MX1: variants seen among roughly 807,000 people sequenced by gnomAD.
MX1 encodes the protein interferon-induced GTP-binding protein Mx1.
MX1 carries 66 observed loss-of-function variants against 66.4 expected under a neutral mutation model. That is an observed-to-expected ratio of 0.99 (90% CI 0.82 to 1.22). MX1 has a LOEUF of 1.22. Among genes scored for constraint, MX1 ranks in the 50% most tolerant of loss-of-function variants. MX1 has a pLI of 0.00. For missense variants in MX1, 787 were observed against 834.3 expected (o/e 0.94, Z 0.70); for synonymous variants, 311 against 318.1 (o/e 0.98, Z 0.24).
intron 10 of MX1, 99 bp downstream of exon 10, chr21:41,442,013 G>GTGTGTT: frequency 9.3e-7 from 1 of 1,079,936 alleles, no homozygotes; most frequent in African/African-American, 1.5e-5. Flanking sequence ...TGGAGTGTGT[G>GTGTGTT]TGTGTGTGTG....
At chr21:41,425,782 G>A (rs112112173), upstream of MX1, among the ~76,000 whole-genome samples, 11 of 152,252 alleles carry the variant, frequency 7.2e-5, no homozygotes, top group African/African-American at 2.4e-4. Flanking sequence ...AGTGCTGGAC[G>A]GAGTTCGGGA....
intron 7 of MX1, among the ~76,000 whole-genome samples, chr21:41,438,176 T>C (rs1427015843): frequency 1.3e-5 from 2 of 152,260 alleles, no homozygotes; most frequent in Non-Finnish European, 2.9e-5. Context: ...TTTGTAAAGA[T>C]GGAGCATTAA....
chr21:41,436,492 G>C lies in MX1; in HGVS notation c.298+463G>C, dbSNP rs181809579. On this transcript the variant is annotated intron_variant, in intron 6 of 16. Coordinates refer to ENST00000398598, the MANE Select transcript of MX1 (RefSeq NM_002462.5). The stretch of plus-strand genomic sequence containing the variant: ...GAGGAGAATCTGAATAAACACATTT[G>C]GGTCCCCCAGTTCAGAACTATATCA... Among the ~76,000 whole-genome samples the C allele has an allele frequency of 2.0e-5, 3 of 152,234 alleles. No homozygotes were observed. In the East Asian group the frequency reaches 5.8e-4, roughly 29 times the overall value.
intron 16 of MX1, among the ~76,000 whole-genome samples, chr21:41,456,134 C>T (rs1475862556): frequency 6.6e-6 from 1 of 152,198 alleles, no homozygotes; most frequent in East Asian, 1.9e-4. Context: ...GTCCCAGCTA[C>T]TTGGGAAGCT....
At chr21:41,451,656 A>G (rs1033616367) in intron 15 of MX1, among the ~76,000 whole-genome samples, 6 of 151,384 alleles carry the variant, frequency 4.0e-5, no homozygotes, top group Non-Finnish European at 8.8e-5. Flanking sequence ...CCACATGGCA[A>G]AACCCCATCT....
intron 10 of MX1, among the ~76,000 whole-genome samples, chr21:41,442,291 A>G (rs148214): frequency 0.49 from 75,141 of 152,040 alleles, 19,596 homozygotes; most frequent in Non-Finnish European, 0.59. Flanking sequence ...GACACATGAT[A>G]AATGCAGCAT....
intron 16 of MX1, among the ~76,000 whole-genome samples, chr21:41,453,886 A>G (rs377549215): frequency 2.9e-4 from 28 of 95,480 alleles, no homozygotes; most frequent in South Asian, 2.8e-3. Flanking sequence ...CTTGACATCA[A>G]TAGAAAGAAA....
intron 1 of MX1, among the ~76,000 whole-genome samples, chr21:41,421,127 G>A (rs143720309): frequency 0.013 from 1,984 of 152,284 alleles, 50 homozygotes; most frequent in African/African-American, 0.045. Flanking sequence ...AGACAAACAC[G>A]TGAACAAAGG....
upstream of MX1, among the ~76,000 whole-genome samples, chr21:41,423,836 A>C (rs2146019616): frequency 6.6e-6 from 1 of 152,302 alleles, no homozygotes; most frequent in Admixed American, 6.5e-5. Context: ...GGACAAGGGA[A>C]GTGCCTAGGG....
chr21:41,445,519 T>C lies in MX1; in HGVS notation c.1080T>C (p.Tyr360=). ...GAATAACAGAGGAGCTACAAAAGTA[T>C]GGTGTCGACATACCGGAAGACGAAA... ...HQRITEELQK[Y]GVDIPEDENE... is the part of the protein sequence containing the mutation. Residue 360 remains tyrosine, a synonymous_variant, in exon 12 of 17, where the codon TAT becomes TAC. Transcript: ENST00000398598. 1 of 1,614,156 alleles carries C rather than the reference T, an allele frequency of 6.2e-7. No homozygotes were observed. Among genetic ancestry groups the C allele is most frequent in the Non-Finnish European group, 8.5e-7 (1 of 1,180,016 alleles).
chr21:41,423,588 T>C (rs150444386), upstream of MX1, among the ~76,000 whole-genome samples: 2 of 152,212 alleles, frequency 1.3e-5, no homozygotes, highest in Non-Finnish European at 2.9e-5. Flanking sequence ...AAGGTGGATG[T>C]GGTCACCTTC....
intron 11 of MX1, among the ~76,000 whole-genome samples, chr21:41,444,997 G>A (rs900273488): frequency 1.3e-5 from 2 of 152,166 alleles, no homozygotes; most frequent in South Asian, 2.1e-4. Flanking sequence ...CAACCGTATT[G>A]TTAAAAACAT....
intron 16 of MX1, among the ~76,000 whole-genome samples, chr21:41,458,130 A>G (rs1284342875): frequency 6.6e-6 from 1 of 152,040 alleles, no homozygotes; most frequent in Non-Finnish European, 1.5e-5. Flanking sequence ...TCAGCCTCCC[A>G]TGGTGTGCCG....
intron 7 of MX1, among the ~76,000 whole-genome samples, chr21:41,439,048 G>A (rs991766652): frequency 1.3e-5 from 2 of 152,036 alleles, no homozygotes; most frequent in African/African-American, 4.8e-5. Context: ...CCACATGGCA[G>A]GTACATGGAT....
At position 41,437,128 on chromosome 21, in the gene MX1, G is replaced by A; in HGVS notation, c.412G>A (p.Glu138Lys). The stretch of plus-strand genomic sequence containing the variant: ...CGAGATTGAGATTTCGGATGCTTCA[G>A]AGGTAGAAAAGGAAATTAATAAAGG... The part of the protein sequence containing the change: ...DYEIEISDAS[E>K]VEKEINKAQN... Residue 138 changes from glutamate to lysine, a missense_variant, in exon 7 of 17, where the codon GAG (glutamate) becomes AAG (lysine). By Grantham distance (56) the Glu-to-Lys change is moderately conservative. Transcript: ENST00000398598. 1.2e-6 allele frequency: 2 copies of A among 1,614,004 alleles called. No individual in the cohort carries two copies. Among genetic ancestry groups the A allele is most frequent in the Non-Finnish European group, 1.7e-6 (2 of 1,179,944 alleles).
chr21:41,430,865 C>G (rs1229044504), intron 4 of MX1, among the ~76,000 whole-genome samples: 1 of 151,916 alleles, frequency 6.6e-6, no homozygotes, highest in Non-Finnish European at 1.5e-5. Flanking sequence ...AAAAGAATGA[C>G]AATATGAAAT....
intron 7 of MX1, 83 bp from the exon 8 acceptor site, chr21:41,439,611 A>G: frequency 7.7e-7 from 1 of 1,304,326 alleles, no homozygotes; most frequent in Non-Finnish European, 1.1e-6. Context: ...AGAGAGGAGA[A>G]GATGCTTTCA....
At position 41,458,866 on chromosome 21, in the gene MX1, G is replaced by C; in HGVS notation, c.*108G>C. On this transcript the variant is annotated 3_prime_UTR_variant, in exon 17 of 17. Coordinates refer to ENST00000398598, the MANE Select transcript of MX1 (RefSeq NM_002462.5). Reference sequence around the variant, plus strand: ...GCTCAGTAGTCAGACTGGATAGTCCGTCTCTGCTTATCCGTTAGCCGTGGT... The same window carrying C: ...GCTCAGTAGTCAGACTGGATAGTCCCTCTCTGCTTATCCGTTAGCCGTGGT... 6.8e-7 allele frequency: 1 copy of C among 1,466,930 alleles called. No individual in the cohort carries two copies. Among genetic ancestry groups the C allele is most frequent in the Middle Eastern group, 1.8e-4 (1 of 5,596 alleles). The allele number at this position is 1,466,930 out of a possible 1,614,324, so 90.9% of individuals were successfully genotyped here.
chr21:41,456,923 G>A (rs1422054353), intron 16 of MX1, among the ~76,000 whole-genome samples: 1 of 152,080 alleles, frequency 6.6e-6, no homozygotes, highest in Non-Finnish European at 1.5e-5. Context: ...CACCACACTC[G>A]GCTAATTTTT....
Sources: gnomAD v4.1 joint callset for allele counts (sites outside exome capture counted in the v4.1 genomes callset) on GRCh38, gnomAD v4.1.1 for gene constraint, MANE v1.5 for transcripts, NCBI Gene and HGNC (gene_info 2026-07-23, HGNC 2026-07-21) for gene names.